The following BCKDHB variants were observed in gnomAD, a reference collection of about 807,000 sequenced individuals.
The protein encoded by BCKDHB is 2-oxoisovalerate dehydrogenase subunit beta, mitochondrial.
A neutral mutation model predicts 48.5 loss-of-function variants in BCKDHB; 41 were observed. The ratio of observed to expected loss-of-function variants is 0.85; its 90% CI spans 0.66 to 1.10. The LOEUF is 1.10. BCKDHB is among the 50% of genes least tolerant of loss of function. The pLI is 0.00. For missense variants in BCKDHB, 496 were observed against 494.2 expected (o/e 1.00, Z -0.03); for synonymous variants, 201 against 174.8 (o/e 1.15, Z -1.18).
the BCKDHB span, among the ~76,000 whole-genome samples, chr6:80,392,364 T>C: frequency 6.7e-6 from 1 of 148,474 alleles, no homozygotes; most frequent in South Asian, 2.1e-4. Flanking sequence ...AGGGCTGTAT[T>C]TTTTTTTTAT....
chr6:80,355,579 AT>A, the BCKDHB span: 1 of 152,068 alleles, frequency 6.6e-6, no homozygotes, highest in Non-Finnish European at 1.5e-5. Context: ...ATAAAGTTCA[AT>A]TCATTTTTTC....
chr6:80,308,094 A>G (rs574875069), intron 9 of BCKDHB: 11 of 273,914 alleles, frequency 4.0e-5, no homozygotes, highest in African/African-American at 2.3e-4. Context: ...ATAAAATAAG[A>G]TGAACAAAAT....
intron 9 of BCKDHB, among the ~76,000 whole-genome samples, chr6:80,330,356 T>A (rs1163613959): frequency 6.6e-6 from 1 of 152,164 alleles, no homozygotes; most frequent in Non-Finnish European, 1.5e-5. Context: ...TTTGGCCTCA[T>A]CAGTAGCAAA....
rs150340498 is a variant in BCKDHB at position 80,136,483 on chromosome 6, A to C, written c.343+7254A>C. Among the ~76,000 whole-genome samples the C allele has an allele frequency of 1.7e-3, 265 of 152,300 alleles. 1 individual carries two copies. The highest frequency in any genetic ancestry group is 6.0e-3 in the African/African-American group (251 of 41,594). ...GAACTCAAAATAGATCACAGACTTAAATGTAAAACTATAAAACTCTTAGAA... is the reference window on the plus strand; with the variant it reads ...GAACTCAAAATAGATCACAGACTTACATGTAAAACTATAAAACTCTTAGAA... On this transcript the variant is annotated intron_variant, in intron 3 of 9. Transcript: ENST00000320393.
the BCKDHB span, among the ~76,000 whole-genome samples, chr6:80,459,101 C>T: frequency 3.3e-5 from 5 of 152,028 alleles, no homozygotes; most frequent in Non-Finnish European, 7.4e-5. Context: ...AATAGAACTA[C>T]CATAGGATCC....
intron 8 of BCKDHB, among the ~76,000 whole-genome samples, chr6:80,250,441 A>G (rs1776789863): frequency 6.6e-6 from 1 of 152,170 alleles, no homozygotes; most frequent in African/African-American, 2.4e-5. Flanking sequence ...TCAGAGGCCA[A>G]TTCCTACCTT....
chr6:80,418,655 C>T, the BCKDHB span, among the ~76,000 whole-genome samples: 1 of 152,190 alleles, frequency 6.6e-6, no homozygotes, highest in African/African-American at 2.4e-5. Context: ...TAGGAATCCA[C>T]TATGCTGGGG....
intron 8 of BCKDHB, among the ~76,000 whole-genome samples, chr6:80,248,104 T>C (rs1776688131): frequency 6.6e-6 from 1 of 152,210 alleles, no homozygotes; most frequent in African/African-American, 2.4e-5. Context: ...ACTGTACTCT[T>C]TTTCTCCCTT....
At chr6:80,123,965 G>T (rs532753483) in intron 1 of BCKDHB, among the ~76,000 whole-genome samples, 1 of 152,128 alleles carries the variant, frequency 6.6e-6, no homozygotes, top group Non-Finnish European at 1.5e-5. Flanking sequence ...TGCTTCTCTA[G>T]TTCTTTTAAT....
the BCKDHB span, among the ~76,000 whole-genome samples, chr6:80,375,368 T>C: frequency 6.6e-6 from 1 of 152,190 alleles, no homozygotes; most frequent in Non-Finnish European, 1.5e-5. Flanking sequence ...TTCTTTGTCT[T>C]TGTCAGATCG....
chr6:80,390,179 C>T, the BCKDHB span, among the ~76,000 whole-genome samples: 2 of 152,268 alleles, frequency 1.3e-5, no homozygotes, highest in African/African-American at 4.8e-5. Flanking sequence ...GAAGAGTATG[C>T]GTGGAATACA....
the BCKDHB span, among the ~76,000 whole-genome samples, chr6:80,411,555 T>C: frequency 6.6e-6 from 1 of 152,238 alleles, no homozygotes; most frequent in Non-Finnish European, 1.5e-5. Flanking sequence ...TGCTCAGCTA[T>C]ACCCTGCCCA....
chr6:80,112,649 C>T (rs1769471296), intron 1 of BCKDHB, among the ~76,000 whole-genome samples: 1 of 152,242 alleles, frequency 6.6e-6, no homozygotes, highest in African/African-American at 2.4e-5. Flanking sequence ...TCCAGACTGT[C>T]CCATTGTCAC....
the BCKDHB span, among the ~76,000 whole-genome samples, chr6:80,399,772 T>C: frequency 2.0e-5 from 3 of 152,020 alleles, no homozygotes; most frequent in Admixed American, 2.0e-4. Flanking sequence ...AACCAAAAAT[T>C]AGCCTCAATA....
At chr6:80,280,106 G>A (rs1036101845) in intron 9 of BCKDHB, among the ~76,000 whole-genome samples, 1 of 152,188 alleles carries the variant, frequency 6.6e-6, no homozygotes, top group African/African-American at 2.4e-5. Flanking sequence ...GCGTTGACAA[G>A]TAGGTAAGAA....
chr6:80,407,301 G>T, the BCKDHB span, among the ~76,000 whole-genome samples: 1 of 151,904 alleles, frequency 6.6e-6, no homozygotes, highest in South Asian at 2.1e-4. Context: ...ATACCTCCAG[G>T]TTTGTTCTTT....
chr6:80,408,433 C>G, the BCKDHB span, among the ~76,000 whole-genome samples: 3 of 151,868 alleles, frequency 2.0e-5, no homozygotes, highest in Non-Finnish European at 4.4e-5. Flanking sequence ...GAAATGTTAC[C>G]AGCTCCTTTT....
chr6:80,202,287 G>C (rs1278368449), intron 7 of BCKDHB, among the ~76,000 whole-genome samples: 1 of 152,048 alleles, frequency 6.6e-6, no homozygotes, highest in Non-Finnish European at 1.5e-5. Context: ...CAGGACTGTA[G>C]TCTATTAGCT....
At chr6:80,312,795 C>T (rs1038025999) in intron 9 of BCKDHB, among the ~76,000 whole-genome samples, 5 of 152,064 alleles carry the variant, frequency 3.3e-5, no homozygotes, top group East Asian at 1.9e-4. Flanking sequence ...TGATTATGAT[C>T]GATAAGCTTT....
Sources: allele counts gnomAD v4.1 joint callset (sites outside exome capture counted in the v4.1 genomes callset), GRCh38; gene constraint gnomAD v4.1.1; transcripts MANE v1.5; gene names NCBI Gene and HGNC (gene_info 2026-07-23, HGNC 2026-07-21).